Variants in XPO5 observed in about 807,000 individuals in gnomAD.
The protein encoded by XPO5 is exportin-5.
A neutral mutation model predicts 160.6 loss-of-function variants in XPO5; 46 were observed. That is an observed-to-expected ratio of 0.29 (90% CI 0.23 to 0.37). The LOEUF (loss-of-function observed/expected upper bound fraction) is 0.37. Among genes scored for constraint, XPO5 ranks in the 10% least tolerant of loss-of-function variants. The pLI is 1.00. For missense variants in XPO5, 1,090 were observed against 1,463.9 expected (o/e 0.74, Z 4.17); for synonymous variants, 537 against 519.3 (o/e 1.03, Z -0.46).
intron 20 of XPO5, among the ~76,000 whole-genome samples, chr6:43,541,243 G>C (rs1794676468): frequency 6.6e-6 from 1 of 152,122 alleles, no homozygotes; most frequent in Non-Finnish European, 1.5e-5. Flanking sequence ...CATTTAAAAA[G>C]CATAACTGCA....
chr6:43,568,174 G>A (rs1172619894), intron 6 of XPO5, among the ~76,000 whole-genome samples: 1 of 151,940 alleles, frequency 6.6e-6, no homozygotes, highest in Non-Finnish European at 1.5e-5. Flanking sequence ...TGGGTGTGGT[G>A]GCGGGCACCT....
Position 43,551,171 on chromosome 6 carries a change from C to T in XPO5, c.1728+127G>A, listed in dbSNP as rs1795210660. 9 of 968,470 alleles carry T rather than the reference C, an allele frequency of 9.3e-6. No homozygotes were observed. In the East Asian group the frequency reaches 2.6e-4, roughly 28 times the overall value. The allele number at this position is 968,470 out of a possible 1,614,324, so 60.0% of individuals were successfully genotyped here. A position where few individuals can be genotyped will look rare whatever the true frequency, so the allele number is the denominator to read the frequency against. On this transcript the variant is annotated intron_variant, in intron 15 of 31. Coordinates refer to ENST00000265351, the MANE Select transcript of XPO5 (RefSeq NM_020750.3). Reference sequence around the variant, plus strand: ...CTCAGAAGGGTGAGGTGTGAGGATCCCTTGAGACTAGTAATTTGAGTCCAG... The same window carrying T: ...CTCAGAAGGGTGAGGTGTGAGGATCTCTTGAGACTAGTAATTTGAGTCCAG...
At chr6:43,529,011 A>G (rs899786465) in intron 23 of XPO5, 86 bp from the exon 24 acceptor site, 9 of 1,292,294 alleles carry the variant, frequency 7.0e-6, no homozygotes, top group South Asian at 6.9e-5. Flanking sequence ...GGCAGAATCA[A>G]TCCCTAAAGG....
At chr6:43,530,926 C>G (rs1032367074) in intron 22 of XPO5, 102 bp from the exon 23 acceptor site, 12 of 1,404,128 alleles carry the variant, frequency 8.5e-6, no homozygotes, top group Non-Finnish European at 1.1e-5. Flanking sequence ...TAAGGTTTTT[C>G]AGCCAGAAGA....
At chr6:43,573,869 G>A (rs185376842) in intron 1 of XPO5, among the ~76,000 whole-genome samples, 7 of 147,542 alleles carry the variant, frequency 4.7e-5, no homozygotes, top group African/African-American at 1.7e-4. Flanking sequence ...TGTCGCCCAG[G>A]CTGGAATGCA....
intron 7 of XPO5, chr6:43,566,678 C>A: frequency 2.4e-6 from 1 of 414,044 alleles, no homozygotes; most frequent in South Asian, 1.7e-5. Context: ...GGCATGGTGG[C>A]GTGTGCCTAT....
At chr6:43,573,422 A>G (rs1763113928) in intron 2 of XPO5, 58 bp downstream of exon 2, 9 of 1,602,028 alleles carry the variant, frequency 5.6e-6, no homozygotes, top group South Asian at 2.2e-5. Context: ...TATAGGTTAT[A>G]TAAGATATAA....
At position 43,547,726 on chromosome 6, in the gene XPO5, A is replaced by G; in HGVS notation, c.2061-19T>C. 2.5e-6 allele frequency: 4 copies of G among 1,607,114 alleles called. No homozygotes were observed. Among genetic ancestry groups the G allele is most frequent in the Non-Finnish European group, 2.6e-6 (3 of 1,173,692 alleles). On this transcript the variant is annotated intron_variant, in intron 18 of 31. Transcript: ENST00000265351. ...CAGCACTCTGAAGGTTGGAGGGGGAAAAACAAGTTACATCATGACTTTAAA... is the reference window on the plus strand; with the variant it reads ...CAGCACTCTGAAGGTTGGAGGGGGAGAAACAAGTTACATCATGACTTTAAA...
At chr6:43,570,749 G>A (rs1762969246) in intron 4 of XPO5, 65 bp from the exon 5 acceptor site, 4 of 1,527,628 alleles carry the variant, frequency 2.6e-6, no homozygotes, top group Non-Finnish European at 3.5e-6. Context: ...ATATCCAAAG[G>A]CTATTTTCTG....
intron 22 of XPO5, 132 bp downstream of exon 22, chr6:43,531,347 T>C: frequency 2.5e-6 from 2 of 797,780 alleles, no homozygotes; most frequent in Non-Finnish European, 4.1e-6. Context: ...TATTTAACAC[T>C]AGAATGATAA....
At position 43,523,461 on chromosome 6, in the gene XPO5, T is replaced by G. The variant is rs112432975; in HGVS notation, c.*407A>C. Reference sequence around the variant, plus strand: ...CCAAGAGAAACTCTGGCACAAGTAGTTGAGGGCTGTGCTCTTGCTGCGAGC... The same window carrying G: ...CCAAGAGAAACTCTGGCACAAGTAGGTGAGGGCTGTGCTCTTGCTGCGAGC... On this transcript the variant is annotated 3_prime_UTR_variant, in exon 32 of 32. Coordinates refer to ENST00000265351, the MANE Select transcript of XPO5 (RefSeq NM_020750.3). 2.0e-5 allele frequency: 7 copies of G among 351,846 alleles called. No individual in the cohort carries two copies. Among genetic ancestry groups the G allele is most frequent in the African/African-American group, 1.5e-4 (7 of 46,844 alleles). 21.8% of individuals were successfully genotyped at this position (351,846 alleles called of 1,614,324 possible). A position where few individuals can be genotyped will look rare whatever the true frequency, so the allele number is the denominator to read the frequency against.
chr6:43,534,152 C>A (rs1485520075), intron 20 of XPO5, 145 bp from the exon 21 acceptor site: 2 of 512,222 alleles, frequency 3.9e-6, no homozygotes, highest in East Asian at 7.8e-5. Flanking sequence ...GTATAAATAT[C>A]TGAATGCTCG....
chr6:43,558,787 A>G (rs1325640351), intron 11 of XPO5, 196 bp from the exon 12 acceptor site: 3 of 483,390 alleles, frequency 6.2e-6, no homozygotes, highest in Non-Finnish European at 1.1e-5. Flanking sequence ...CAGTGGTAGA[A>G]AAGAGAATAC....
At chr6:43,560,033 G>C (rs1762330708) in intron 11 of XPO5, 145 bp downstream of exon 11, 1 of 974,198 alleles carries the variant, frequency 1.0e-6, no homozygotes, top group Admixed American at 2.9e-5. Context: ...CGCACAGGCT[G>C]GTCTCCAACT....
chr6:43,559,666 A>C (rs1762301790), intron 11 of XPO5, among the ~76,000 whole-genome samples: 1 of 152,256 alleles, frequency 6.6e-6, no homozygotes, highest in Non-Finnish European at 1.5e-5. Flanking sequence ...CCTAGCACCT[A>C]GCCCAATACT....
At position 43,529,120 on chromosome 6, in the gene XPO5, C is replaced by T. The variant is rs1041376709; in HGVS notation, c.2678-195G>A. ...GGCACTGATATTGAATTCCATTATA[C>T]TCTTAGTTTAGCTGCATTTCCGTCA... is the stretch of plus-strand genomic sequence containing the variant. On this transcript the variant is annotated intron_variant, in intron 23 of 31. Transcript: ENST00000265351. 3.5e-6 allele frequency: 4 copies of T among 1,158,692 alleles called. No homozygotes were observed. The African/African-American group carries it at 6.2e-5, about 18-fold the overall frequency. 71.8% of individuals were successfully genotyped at this position (1,158,692 alleles called of 1,614,324 possible).
chr6:43,527,811 T>A lies in XPO5; in HGVS notation c.2823-80A>T, dbSNP rs146285564. The stretch of plus-strand genomic sequence containing the variant: ...GAAAGCAGCGACCCTAATCAGACTC[T>A]CTCTGACCACTTTCTTCTCCTTTGG... On this transcript the variant is annotated intron_variant, in intron 25 of 31. Coordinates refer to ENST00000265351, the MANE Select transcript of XPO5 (RefSeq NM_020750.3). The A allele has an allele frequency of 1.4e-3, 2,035 of 1,462,642 alleles. 25 individuals are homozygous for A. In the African/African-American group the frequency reaches 0.026, roughly 19 times the overall value. The allele number at this position is 1,462,642 out of a possible 1,614,324, so 90.6% of individuals were successfully genotyped here.
intron 25 of XPO5, 95 bp downstream of exon 25, chr6:43,528,064 A>T: frequency 7.8e-7 from 1 of 1,276,922 alleles, no homozygotes; most frequent in Non-Finnish European, 1.1e-6. Context: ...CTGCTCTTCT[A>T]CCCTGGGACA....
rs138813158 is a variant in XPO5, at chr6:43,534,757, G to A, written c.2343-750C>T. Among the ~76,000 whole-genome samples, 248 of 152,236 alleles carry A rather than the reference G, an allele frequency of 1.6e-3. 6 individuals are homozygous for A. The highest frequency in any genetic ancestry group is 5.5e-3 in the African/African-American group (230 of 41,548). On this transcript the variant is annotated intron_variant, in intron 20 of 31. Transcript: ENST00000265351. The stretch of plus-strand genomic sequence containing the variant: ...TCACGCCTATAATCCCAGTACTTTG[G>A]GAGGCCGAGGCTGGCGAATTACCTG...
Sources: allele counts gnomAD v4.1 joint callset (sites outside exome capture counted in the v4.1 genomes callset), GRCh38; gene constraint gnomAD v4.1.1; transcripts MANE v1.5; gene names NCBI Gene and HGNC (gene_info 2026-07-23, HGNC 2026-07-21).